Variants in BDH1 observed in about 807,000 individuals in gnomAD.
BDH1 encodes 3-hydroxybutyrate dehydrogenase 1, also known as D-beta-hydroxybutyrate dehydrogenase, mitochondrial.
Under a neutral mutation model 33.1 loss-of-function variants are expected in BDH1, and 30 were observed. The ratio of observed to expected loss-of-function variants is 0.91; its 90% CI spans 0.68 to 1.23. BDH1 has a LOEUF of 1.23. Among genes scored for constraint, BDH1 ranks in the 50% most tolerant of loss-of-function variants. BDH1 has a pLI of 0.00. For missense variants in BDH1, 443 were observed against 464.4 expected, an observed-to-expected ratio of 0.95 and a Z score of 0.42; for synonymous variants, 190 against 183.6, an observed-to-expected ratio of 1.03 and a Z score of -0.28.
chr3:197,558,758 C>T (rs910198494), upstream of BDH1, among the ~76,000 whole-genome samples: 1 of 152,192 alleles, frequency 6.6e-6, no homozygotes, highest in Non-Finnish European at 1.5e-5. Context: ...TTTTGACAGA[C>T]GCTTGGAGAG....
rs1560320149 is a variant in BDH1, at chr3:197,531,439, G to GTGTA, written c.267+972_267+973insTACA. 7.7e-5 allele frequency among the ~76,000 whole-genome samples: 11 copies of GTGTA among 143,664 alleles called. No homozygotes were observed. In the South Asian group the frequency reaches 1.3e-3, roughly 17 times the overall value. 94.2% of individuals were successfully genotyped at this position (143,664 alleles called of 152,430 possible). On this transcript the variant is annotated intron_variant, in intron 5 of 7. Coordinates refer to ENST00000392379, the MANE Select transcript of BDH1 (RefSeq NM_203314.3). ...AAAAAATATATATATATATATATGT[G>GTGTA]TATATATATATATACATATATGTAT...
rs542924635 is a variant in BDH1, at chr3:197,554,054, C to T, written c.-44+508G>A. 3.6e-4 allele frequency among the ~76,000 whole-genome samples: 55 copies of T among 152,346 alleles called. No individual in the cohort carries two copies. The highest frequency in any genetic ancestry group is 7.1e-4 in the Non-Finnish European group (48 of 68,034). On this transcript the variant is annotated intron_variant, in intron 2 of 7. Coordinates refer to ENST00000392379, the MANE Select transcript of BDH1 (RefSeq NM_203314.3). The surrounding 1 kb of genome is among the most constrained non-coding windows in gnomAD (Gnocchi z 4.4). ...TCTCCAACTATACTTTTCTCCTCTA[C>T]TCATTCAACCGTTTGCTACACCATC...
At chr3:197,553,399 C>G (rs141873219) in intron 2 of BDH1, among the ~76,000 whole-genome samples, 5,163 of 150,886 alleles carry the variant, frequency 0.034, 270 homozygotes, top group African/African-American at 0.11. Context: ...TGTGGTCGCT[C>G]GCGCCTGTAG....
chr3:197,526,054 T>C lies in BDH1; in HGVS notation c.268-3273A>G, dbSNP rs1462594457. Among the ~76,000 whole-genome samples, 10 of 152,230 alleles carry C rather than the reference T, an allele frequency of 6.6e-5. No individual in the cohort carries two copies. The highest frequency in any genetic ancestry group is 5.2e-4 in the Admixed American group (8 of 15,290). ...TCTTACTGTCCCTTTCAACCTCACCTGTAAGCTATTTTTTCCAGCCCTGGA... is the reference window on the plus strand; with the variant it reads ...TCTTACTGTCCCTTTCAACCTCACCCGTAAGCTATTTTTTCCAGCCCTGGA... On this transcript the variant is annotated intron_variant, in intron 5 of 7. Transcript: ENST00000392379. The surrounding 1 kb of genome is among the most constrained non-coding windows in gnomAD (Gnocchi z 4.7).
intron 1 of BDH1, among the ~76,000 whole-genome samples, chr3:197,562,872 AAGTAATAC>A (rs1490564245): frequency 1.8e-4 from 27 of 152,328 alleles, no homozygotes; most frequent in African/African-American, 6.0e-4. Flanking sequence ...AGTAAAATGG[AAGTAATAC>A]AGTCTTTGTG....
intron 6 of BDH1, among the ~76,000 whole-genome samples, chr3:197,519,187 C>T (rs1713251878): frequency 1.3e-5 from 2 of 151,996 alleles, no homozygotes; most frequent in Admixed American, 1.3e-4. Context: ...CTTACTCCTC[C>T]ACATATGTTC....
chr3:197,511,969 A>T lies in BDH1; in HGVS notation c.958T>A (p.Tyr320Asn). Residue 320 changes from tyrosine to asparagine, a missense_variant, in exon 8 of 8, where the codon TAC becomes AAC. By Grantham distance (143) the Tyr-to-Asn change is moderately radical. Transcript: ENST00000392379. ...TPYTRYHPMD[Y>N]YWWLRMQIMT... Reference sequence around the variant, plus strand: ...ATCTGCATTCGCAGCCACCAGTAGTAGTCCATGGGGTGGTAGCGGGTGTAG... The same window carrying T: ...ATCTGCATTCGCAGCCACCAGTAGTTGTCCATGGGGTGGTAGCGGGTGTAG... The T allele has an allele frequency of 1.9e-6, 3 of 1,608,522 alleles. No individual in the cohort carries two copies. Among genetic ancestry groups the T allele is most frequent in the Non-Finnish European group, 2.5e-6 (3 of 1,176,760 alleles).
Position 197,514,199 on chromosome 3 carries a change from T to C in BDH1, c.562+65A>G. Reference sequence around the variant, plus strand: ...GGAGCTGCTGGGACAGGTATTTCCATTCTGAGCAAAGATGAACACGTGGGG... The same window carrying C: ...GGAGCTGCTGGGACAGGTATTTCCACTCTGAGCAAAGATGAACACGTGGGG... On this transcript the variant is annotated intron_variant, in intron 7 of 7. Coordinates refer to ENST00000392379, the MANE Select transcript of BDH1 (RefSeq NM_203314.3). This position sits in a 1 kb window ranked among gnomAD's most constrained non-coding sequence, Gnocchi z 4.2. 6.5e-7 allele frequency: 1 copy of C among 1,546,272 alleles called. No homozygotes were observed. The highest frequency in any genetic ancestry group is 8.8e-7 in the Non-Finnish European group (1 of 1,141,530).
rs1396129182 is a variant in BDH1, at chr3:197,521,941, G to A, written c.409+699C>T. On this transcript the variant is annotated intron_variant, in intron 6 of 7. Transcript: ENST00000392379. The surrounding 1 kb of genome is among the most constrained non-coding windows in gnomAD (Gnocchi z 4.9). ...ATGACCCCTTCAGTGGCTCCCCAGT[G>A]CCATTGGGAGACCAGCCATGTTCCC... Among the ~76,000 whole-genome samples, 4 of 152,136 alleles carry A rather than the reference G, an allele frequency of 2.6e-5. No individual in the cohort carries two copies. The highest frequency in any genetic ancestry group is 6.5e-5 in the Admixed American group (1 of 15,274).
chr3:197,533,576 G>A lies in BDH1; in HGVS notation c.84-15C>T, dbSNP rs1243731486. The A allele has an allele frequency of 1.9e-6, 3 of 1,613,442 alleles. No individual in the cohort carries two copies. The highest frequency in any genetic ancestry group is 2.5e-6 in the Non-Finnish European group (3 of 1,179,442). ...ATAGTGGGCGTCTGCAAGAGAAAAGGAAGCCGTGAGTACAAGGACAGACTA... is the reference window on the plus strand; with the variant it reads ...ATAGTGGGCGTCTGCAAGAGAAAAGAAAGCCGTGAGTACAAGGACAGACTA... On this transcript the variant is annotated splice_polypyrimidine_tract_variant and intron_variant, in intron 3 of 7. Transcript: ENST00000392379.
At chr3:197,529,593 A>G (rs1184490931) in intron 5 of BDH1, 1 of 152,248 alleles carries the variant, frequency 6.6e-6, no homozygotes. Context: ...AGAGATTGGG[A>G]AGACTTCACT....
At chr3:197,533,353 G>A (rs2108743441) in intron 4 of BDH1, 136 bp downstream of exon 4, 1 of 845,752 alleles carries the variant, frequency 1.2e-6, no homozygotes, top group East Asian at 2.5e-5. Flanking sequence ...CTTTGGGGGA[G>A]GGTTAAGTGA....
rs1315207848 is a variant in BDH1, at chr3:197,526,014, A to G, written c.268-3233T>C. On this transcript the variant is annotated intron_variant, in intron 5 of 7. Coordinates refer to ENST00000392379, the MANE Select transcript of BDH1 (RefSeq NM_203314.3). This position sits in a 1 kb window ranked among gnomAD's most constrained non-coding sequence, Gnocchi z 4.7. ...GTGCGTGTGCAACTGGCTTATTGAT[A>G]AACCCACTTCTTTATCTTACTGTCC... Among the ~76,000 whole-genome samples the G allele has an allele frequency of 5.3e-5, 8 of 152,180 alleles. No individual in the cohort carries two copies. Among genetic ancestry groups the G allele is most frequent in the Non-Finnish European group, 1.2e-4 (8 of 68,032 alleles).
intron 3 of BDH1, chr3:197,538,531 T>C (rs1318567427): frequency 1.1e-5 from 4 of 371,590 alleles, no homozygotes; most frequent in Non-Finnish European, 2.1e-5. Flanking sequence ...TTTGTATTTT[T>C]AGTAGAGACG....
rs558505371 is a variant in BDH1, at chr3:197,562,708, A to G, written c.-44+10473T>C. ...GGAGTCCTGCCCACAAGCAGCTCAC[A>G]TCGATCCATGCACAAAAACCCTAGG... is the stretch of plus-strand genomic sequence containing the variant. On this transcript the variant is annotated intron_variant, in intron 1 of 6. Coordinates refer to the BDH1 transcript ENST00000358186. Among the ~76,000 whole-genome samples, 121 of 152,214 alleles carry G rather than the reference A, an allele frequency of 7.9e-4. 1 individual carries two copies. Among genetic ancestry groups the G allele is most frequent in the African/African-American group, 2.2e-3 (93 of 41,536 alleles).
chr3:197,529,294 T>G (rs925753471), intron 5 of BDH1: 2 of 152,274 alleles, frequency 1.3e-5, no homozygotes, highest in Non-Finnish European at 2.9e-5. Flanking sequence ...CAGGCTTTGT[T>G]AATACCGGTT....
At chr3:197,533,861 T>A in intron 3 of BDH1, 1 of 397,458 alleles carries the variant, frequency 2.5e-6, no homozygotes, top group Non-Finnish European at 4.5e-6. Flanking sequence ...CCCACTCCAA[T>A]AAAGTTCCAT....
chr3:197,548,311 T>C (rs1333525866), intron 2 of BDH1, among the ~76,000 whole-genome samples: 2 of 152,218 alleles, frequency 1.3e-5, no homozygotes, highest in Non-Finnish European at 2.9e-5. Flanking sequence ...ACTGACCAGC[T>C]GGCTAAGCAC....
intron 2 of BDH1, among the ~76,000 whole-genome samples, chr3:197,551,380 A>C (rs572497777): frequency 6.6e-6 from 1 of 152,270 alleles, no homozygotes; most frequent in Admixed American, 6.5e-5. Context: ...AGTTCCATCC[A>C]CGTTGTTGCA....
Sources: gnomAD v4.1 joint callset for allele counts (sites outside exome capture counted in the v4.1 genomes callset) on GRCh38, gnomAD v4.1.1 for gene constraint, Gnocchi (gnomAD v3.1) non-coding constraint, MANE v1.5 for transcripts, NCBI Gene and HGNC (gene_info 2026-07-23, HGNC 2026-07-21) for gene names.